The following LINGO2 variants were observed in gnomAD, a reference collection of about 807,000 sequenced individuals.
The protein encoded by LINGO2 is leucine-rich repeat and immunoglobulin-like domain-containing nogo receptor-interacting protein 2.
In LINGO2, 14 loss-of-function variants were observed where a neutral mutation model predicts 30.6. That is an observed-to-expected ratio of 0.46 (90% CI 0.30 to 0.72). The LOEUF is 0.72. LINGO2 is among the 30% of genes least tolerant of loss of function. LINGO2 has a pLI of 0.07. For synonymous variants in LINGO2, 317 were observed against 288.5 expected (o/e 1.10, Z -1.00); for missense variants, 729 against 751.7 (o/e 0.97, Z 0.35).
intron 4 of LINGO2, among the ~76,000 whole-genome samples, chr9:28,164,740 G>A (rs1192330923): frequency 1.3e-5 from 2 of 152,136 alleles, no homozygotes; most frequent in Admixed American, 1.3e-4. Flanking sequence ...TATGTGGCTA[G>A]CACTATGTCA....
At chr9:28,188,959 T>C (rs182439771) in intron 4 of LINGO2, among the ~76,000 whole-genome samples, 2 of 152,130 alleles carry the variant, frequency 1.3e-5, no homozygotes, top group African/African-American at 4.8e-5. Context: ...CTGCTTAAGA[T>C]TGGAGAGAGA....
the LINGO2 span, among the ~76,000 whole-genome samples, chr9:29,055,940 G>GTATATATATATATGTATA: frequency 1.7e-5 from 2 of 119,980 alleles, no homozygotes; most frequent in African/African-American, 6.4e-5. Context: ...ATGTGTGTGT[G>GTATATATATATATGTATA]TATATATACA....
At chr9:28,190,506 C>T (rs561721782) in intron 4 of LINGO2, among the ~76,000 whole-genome samples, 4 of 152,142 alleles carry the variant, frequency 2.6e-5, no homozygotes, top group Non-Finnish European at 5.9e-5. Flanking sequence ...GAATGAGATT[C>T]GTGCCCTTAT....
At chr9:28,279,830 G>C (rs1358664790) in intron 4 of LINGO2, among the ~76,000 whole-genome samples, 1 of 152,062 alleles carries the variant, frequency 6.6e-6, no homozygotes, top group Non-Finnish European at 1.5e-5. Context: ...AGTTTTTCCA[G>C]ATATGATCTC....
the LINGO2 span, among the ~76,000 whole-genome samples, chr9:29,062,698 A>C: frequency 1.3e-5 from 2 of 152,162 alleles, no homozygotes; most frequent in Non-Finnish European, 2.9e-5. Flanking sequence ...ATGGGGATTT[A>C]ATGTGTAATG....
the LINGO2 span, among the ~76,000 whole-genome samples, chr9:28,773,817 T>G: frequency 6.6e-6 from 1 of 152,120 alleles, no homozygotes; most frequent in Non-Finnish European, 1.5e-5. Context: ...AAAAACTCCT[T>G]TAAATGTGGA....
chr9:29,066,933 T>C, the LINGO2 span, among the ~76,000 whole-genome samples: 10 of 151,862 alleles, frequency 6.6e-5, no homozygotes, highest in African/African-American at 1.2e-4. Context: ...AATACTCACA[T>C]AGCAATGAGC....
At chr9:28,543,791 A>G (rs142948267) in intron 1 of LINGO2, among the ~76,000 whole-genome samples, 24 of 152,180 alleles carry the variant, frequency 1.6e-4, no homozygotes, top group African/African-American at 5.5e-4. Flanking sequence ...TTAATTTCAA[A>G]CACATTAGGT....
At position 28,026,235 on chromosome 9, in the gene LINGO2, G is replaced by A. The variant is rs868143436; in HGVS notation, c.-86-13830C>T. Among the ~76,000 whole-genome samples the A allele has an allele frequency of 6.6e-5, 10 of 151,956 alleles. No homozygotes were observed. In the East Asian group the frequency reaches 1.7e-3, roughly 26 times the overall value. On this transcript the variant is annotated intron_variant, in intron 4 of 5. Transcript: ENST00000379992. ...TTTTGTTGCTAAGATTTTATTACTC[G>A]GGTAATTTTTGATGTTTACATACCT...
chr9:28,772,005 T>G, the LINGO2 span, among the ~76,000 whole-genome samples: 1 of 152,160 alleles, frequency 6.6e-6, no homozygotes, highest in Non-Finnish European at 1.5e-5. Context: ...TGTTCACTAC[T>G]TCATCTGAAA....
At position 28,312,046 on chromosome 9, in the gene LINGO2, C is replaced by CT. The variant is rs533436999; in HGVS notation, c.-245-16681dup. Among the ~76,000 whole-genome samples, 71 of 152,290 alleles carry CT rather than the reference C, an allele frequency of 4.7e-4. 2 individuals carry two copies. The South Asian group carries it at 0.014, about 30-fold the overall frequency. Reference sequence around the variant, plus strand: ...CAGCCAGTCCCTCCGTTCGGGGTCCCTGACTTCCCACAACAAGTAAGGCTT... The same window carrying CT: ...CAGCCAGTCCCTCCGTTCGGGGTCCCTTGACTTCCCACAACAAGTAAGGCTT... On this transcript the variant is annotated intron_variant, in intron 3 of 5. Transcript: ENST00000379992.
chr9:28,037,527 A>G (rs1461968922), intron 4 of LINGO2, among the ~76,000 whole-genome samples: 1 of 152,066 alleles, frequency 6.6e-6, no homozygotes, highest in Non-Finnish European at 1.5e-5. Flanking sequence ...GTTCCTTTGC[A>G]CTGCCTTGTC....
the LINGO2 span, among the ~76,000 whole-genome samples, chr9:29,015,776 C>T: frequency 6.6e-6 from 1 of 152,140 alleles, no homozygotes; most frequent in African/African-American, 2.4e-5. Flanking sequence ...TCACTATCCT[C>T]ATAATTGGAA....
At chr9:28,585,944 C>T (rs775835726) in intron 1 of LINGO2, among the ~76,000 whole-genome samples, 1 of 151,972 alleles carries the variant, frequency 6.6e-6, no homozygotes, top group Non-Finnish European at 1.5e-5. Context: ...GCACTAATGG[C>T]CAGTGAAGCT....
At chr9:28,096,939 TA>T (rs1291503867) in intron 4 of LINGO2, among the ~76,000 whole-genome samples, 1 of 152,050 alleles carries the variant, frequency 6.6e-6, no homozygotes, top group African/African-American at 2.4e-5. Context: ...GTATGTACAT[TA>T]AAGCACATGA....
At chr9:27,963,291 A>C (rs1819936580) in intron 5 of LINGO2, among the ~76,000 whole-genome samples, 1 of 152,156 alleles carries the variant, frequency 6.6e-6, no homozygotes, top group African/African-American at 2.4e-5. Flanking sequence ...ATTTGTCAGG[A>C]CAGAAAGCAA....
At chr9:29,127,649 G>A in the LINGO2 span, among the ~76,000 whole-genome samples, 1 of 152,068 alleles carries the variant, frequency 6.6e-6, no homozygotes, top group Non-Finnish European at 1.5e-5. Context: ...TTCAGCAGCT[G>A]TTTCCTAGTA....
the LINGO2 span, among the ~76,000 whole-genome samples, chr9:28,862,473 T>C: frequency 2.0e-5 from 3 of 152,106 alleles, no homozygotes; most frequent in Non-Finnish European, 4.4e-5. Flanking sequence ...AAAAATAATA[T>C]ACTGATTTTC....
In LINGO2 at chr9:28,393,933, T is replaced by C. The variant is rs576363446; in HGVS notation, c.-278-21065A>G. ...AAAAAGCTCTTATACTAGCTGCAGG[T>C]GTTCCCCAGCAGGATTCAATCTCAG... On this transcript the variant is annotated intron_variant, in intron 2 of 5. Coordinates refer to ENST00000379992, the Ensembl canonical transcript of LINGO2. Among the ~76,000 whole-genome samples the C allele has an allele frequency of 1.5e-4, 23 of 152,320 alleles. No individual in the cohort carries two copies. The South Asian group carries it at 4.4e-3, about 29-fold the overall frequency.
Sources: allele counts gnomAD v4.1 joint callset (sites outside exome capture counted in the v4.1 genomes callset), GRCh38; gene constraint gnomAD v4.1.1; transcripts MANE v1.5; gene names NCBI Gene and HGNC (gene_info 2026-07-23, HGNC 2026-07-21).